The following TRPC4 variants were observed in gnomAD, a reference collection of about 807,000 sequenced individuals.
The protein encoded by TRPC4 is short transient receptor potential channel 4.
TRPC4 carries 49 observed loss-of-function variants against 99.4 expected under a neutral mutation model. The observed-to-expected ratio is 0.49, with a 90% CI of 0.39 to 0.63. The LOEUF (loss-of-function observed/expected upper bound fraction) is 0.63, where lower values mean the gene tolerates loss of function less well. Among genes scored for constraint, TRPC4 ranks in the 20% least tolerant of loss-of-function variants. The pLI is 0.00. For missense variants in TRPC4, 898 were observed against 1,152.9 expected, an observed-to-expected ratio of 0.78 and a Z score of 3.20; for synonymous variants, 454 against 425.9, an observed-to-expected ratio of 1.07 and a Z score of -0.81.
intron 2 of TRPC4, among the ~76,000 whole-genome samples, chr13:37,759,589 CAGA>C (rs1956174790): frequency 6.6e-6 from 1 of 151,616 alleles, no homozygotes. Flanking sequence ...AGATATTTTA[CAGA>C]AGAAGAAAAT....
At chr13:37,794,282 A>G (rs1957196544) in intron 1 of TRPC4, among the ~76,000 whole-genome samples, 2 of 152,148 alleles carry the variant, frequency 1.3e-5, no homozygotes, top group Non-Finnish European at 2.9e-5. Context: ...ATAAAAGTTT[A>G]TTTTGTTAAA....
chr13:37,706,640 C>T (rs1436479832), intron 3 of TRPC4, among the ~76,000 whole-genome samples: 1 of 151,318 alleles, frequency 6.6e-6, no homozygotes, highest in African/African-American at 2.4e-5. Context: ...ACCCCCACCC[C>T]ACAACAGGCC....
intron 1 of TRPC4, among the ~76,000 whole-genome samples, chr13:37,788,267 C>G (rs553614257): frequency 6.6e-6 from 1 of 152,150 alleles, no homozygotes; most frequent in Admixed American, 6.6e-5. Flanking sequence ...ACCTTCTTCC[C>G]TTCATGTCAC....
At chr13:37,676,856 T>A (rs187601368) in intron 4 of TRPC4, among the ~76,000 whole-genome samples, 1 of 152,032 alleles carries the variant, frequency 6.6e-6, no homozygotes, top group African/African-American at 2.4e-5. Flanking sequence ...AGGCAGAAGG[T>A]GTATAATATT....
chr13:37,750,284 A>G (rs1955898560), intron 2 of TRPC4, among the ~76,000 whole-genome samples: 1 of 152,000 alleles, frequency 6.6e-6, no homozygotes, highest in South Asian at 2.1e-4. Flanking sequence ...TGAAGATTTT[A>G]TTTCTGTTTT....
rs376779704 is a variant in TRPC4, at chr13:37,707,621, T to C, written c.898-15286A>G. Among the ~76,000 whole-genome samples the C allele has an allele frequency of 3.3e-5, 5 of 152,072 alleles. No individual in the cohort carries two copies. The East Asian group carries it at 5.8e-4, about 18-fold the overall frequency. On this transcript the variant is annotated intron_variant, in intron 3 of 10. Coordinates refer to ENST00000379705, the MANE Select transcript of TRPC4 (RefSeq NM_016179.4). Reference sequence around the variant, plus strand: ...TTTCCTATGTCAGTACTAATATCCATTCCAACTCCTTCCTACCACCACCAT... The same window carrying C: ...TTTCCTATGTCAGTACTAATATCCACTCCAACTCCTTCCTACCACCACCAT...
rs891279732 is a variant in TRPC4 at position 37,685,846 on chromosome 13, C to A, written c.1234+6153G>T. ...TAGGGGCACACACAATAACTGAAAT[C>A]TTCATTAATATCTCATTGTTTGAGA... On this transcript the variant is annotated intron_variant, in intron 4 of 10. Coordinates refer to ENST00000379705, the MANE Select transcript of TRPC4 (RefSeq NM_016179.4). 5.3e-5 allele frequency among the ~76,000 whole-genome samples: 8 copies of A among 152,056 alleles called. No homozygotes were observed. In the South Asian group the frequency reaches 6.2e-4, roughly 12 times the overall value.
chr13:37,758,749 C>T (rs1956155512), intron 2 of TRPC4, among the ~76,000 whole-genome samples: 1 of 151,140 alleles, frequency 6.6e-6, no homozygotes, highest in Admixed American at 6.6e-5. Flanking sequence ...GAGCTGATTA[C>T]ATACAGAAAG....
intron 6 of TRPC4, among the ~76,000 whole-genome samples, chr13:37,660,503 T>C (rs1238449125): frequency 6.6e-6 from 1 of 152,102 alleles, no homozygotes; most frequent in Non-Finnish European, 1.5e-5. Flanking sequence ...TAGGTTTACT[T>C]GGATGAAAGG....
chr13:37,755,002 C>T (rs974020474), intron 2 of TRPC4, among the ~76,000 whole-genome samples: 5 of 151,690 alleles, frequency 3.3e-5, no homozygotes, highest in East Asian at 3.9e-4. Flanking sequence ...TGTTTTTTGC[C>T]GTTAAAAGTA....
At chr13:37,656,014 G>C (rs1339936494) in intron 6 of TRPC4, among the ~76,000 whole-genome samples, 1 of 152,058 alleles carries the variant, frequency 6.6e-6, no homozygotes, top group Non-Finnish European at 1.5e-5. Flanking sequence ...CTTGTAAGAT[G>C]GTAAAGAGTC....
At position 37,635,318 on chromosome 13, in the gene TRPC4, TA is replaced by T. The variant is rs770416079; in HGVS notation, c.*1584del. ...ATCACAGCTCCATCATGAGCTGTAT[TA>T]CCTTAGCCAGTTAGTGCTGGTCTCA... is the stretch of plus-strand genomic sequence containing the variant. On this transcript the variant is annotated 3_prime_UTR_variant, in exon 11 of 11. Transcript: ENST00000379705. Among the ~76,000 whole-genome samples the T allele has an allele frequency of 8.5e-4, 130 of 152,264 alleles. No homozygotes were observed. Among genetic ancestry groups the T allele is most frequent in the Non-Finnish European group, 1.6e-3 (109 of 68,008 alleles).
chr13:37,799,793 A>G (rs1957356176), intron 1 of TRPC4, among the ~76,000 whole-genome samples: 1 of 152,228 alleles, frequency 6.6e-6, no homozygotes, highest in Admixed American at 6.5e-5. Flanking sequence ...AGGTGATTTT[A>G]TACTATGTAA....
intron 1 of TRPC4, among the ~76,000 whole-genome samples, chr13:37,812,892 C>CA (rs1331748793): frequency 6.6e-6 from 1 of 151,456 alleles, no homozygotes; most frequent in Non-Finnish European, 1.5e-5. Context: ...CCTTGGAAAA[C>CA]AAAAAATGAC....
At chr13:37,776,604 T>C (rs1444205452) in intron 2 of TRPC4, among the ~76,000 whole-genome samples, 3 of 151,920 alleles carry the variant, frequency 2.0e-5, no homozygotes, top group Non-Finnish European at 4.4e-5. Context: ...GTAATTTCAA[T>C]TGGGTTAACC....
chr13:37,859,212 T>C (rs1022723051), intron 1 of TRPC4, among the ~76,000 whole-genome samples: 1 of 150,072 alleles, frequency 6.7e-6, no homozygotes, highest in Non-Finnish European at 1.5e-5. Flanking sequence ...CAAAAATAAA[T>C]GGAAAAAGCA....
chr13:37,776,337 G>A (rs1956702678), intron 2 of TRPC4, among the ~76,000 whole-genome samples: 1 of 151,742 alleles, frequency 6.6e-6, no homozygotes, highest in Non-Finnish European at 1.5e-5. Context: ...TTGATAAATC[G>A]ATATATAAAG....
chr13:37,766,663 G>C (rs1956379195), intron 2 of TRPC4, among the ~76,000 whole-genome samples: 1 of 151,350 alleles, frequency 6.6e-6, no homozygotes, highest in East Asian at 2.0e-4. Flanking sequence ...ATTATGATTG[G>C]CTAACAGTAG....
At chr13:37,721,203 A>C (rs1954857025) in intron 3 of TRPC4, among the ~76,000 whole-genome samples, 1 of 152,184 alleles carries the variant, frequency 6.6e-6, no homozygotes, top group Non-Finnish European at 1.5e-5. Flanking sequence ...ACATTGAAAA[A>C]AGAAACCCTC....
Sources: allele counts gnomAD v4.1 joint callset (sites outside exome capture counted in the v4.1 genomes callset), GRCh38; gene constraint gnomAD v4.1.1; transcripts MANE v1.5; gene names NCBI Gene and HGNC (gene_info 2026-07-23, HGNC 2026-07-21).